Variants in TTC7B observed in about 807,000 individuals in gnomAD.
TTC7B encodes tetratricopeptide repeat protein 7B.
In TTC7B, 28 loss-of-function variants were observed where a neutral mutation model predicts 106.8. The observed-to-expected ratio is 0.26, with a 90% CI of 0.19 to 0.36. The LOEUF is 0.36. Ranked by LOEUF, TTC7B falls within the 10% of genes least tolerant of loss-of-function variation. TTC7B has a pLI of 1.00. For missense variants in TTC7B, 862 were observed against 1,076.4 expected, an observed-to-expected ratio of 0.80 and a Z score of 2.79; for synonymous variants, 405 against 430.6, an observed-to-expected ratio of 0.94 and a Z score of 0.74.
At chr14:90,667,555 C>G (rs1344015462) in intron 9 of TTC7B, among the ~76,000 whole-genome samples, 3 of 152,174 alleles carry the variant, frequency 2.0e-5, no homozygotes, top group African/African-American at 7.2e-5. Flanking sequence ...ATGCATGGAT[C>G]TATATTACAA....
chr14:90,768,427 A>C (rs1325353196), intron 3 of TTC7B, among the ~76,000 whole-genome samples: 1 of 152,006 alleles, frequency 6.6e-6, no homozygotes, highest in Non-Finnish European at 1.5e-5. Flanking sequence ...ATGATAACTC[A>C]CTCACTTTCA....
rs1886302733 is a variant in TTC7B at position 90,663,821 on chromosome 14, A to T, written c.1153-5434T>A. Among the ~76,000 whole-genome samples the T allele has an allele frequency of 6.6e-6, 1 of 152,186 alleles. No individual in the cohort carries two copies. The highest frequency in any genetic ancestry group is 6.5e-5 in the Admixed American group (1 of 15,274). On this transcript the variant is annotated intron_variant, in intron 9 of 19. Transcript: ENST00000328459. The surrounding 1 kb of genome is among the most constrained non-coding windows in gnomAD (Gnocchi z 4.5). ...TGTGTGAGCTCTGGCATCACAGCCGATGGCGCTGCCTGCCAGTGGGCTCTT... is the reference window on the plus strand; with the variant it reads ...TGTGTGAGCTCTGGCATCACAGCCGTTGGCGCTGCCTGCCAGTGGGCTCTT...
chr14:90,777,329 G>A (rs747283766), intron 3 of TTC7B, among the ~76,000 whole-genome samples: 1 of 152,148 alleles, frequency 6.6e-6, no homozygotes, highest in Non-Finnish European at 1.5e-5. Context: ...GTACACCGTG[G>A]CCACTGCTAC....
intron 6 of TTC7B, among the ~76,000 whole-genome samples, chr14:90,694,830 A>T (rs1466483002): frequency 2.2e-5 from 3 of 139,360 alleles, no homozygotes; most frequent in East Asian, 4.1e-4. Context: ...ATATACATAT[A>T]TATGTCACAC....
chr14:90,631,043 C>T (rs1884681153), intron 15 of TTC7B, among the ~76,000 whole-genome samples: 1 of 152,148 alleles, frequency 6.6e-6, no homozygotes, highest in Admixed American at 6.5e-5. Flanking sequence ...ACTGTGTTAG[C>T]TAGGATGGTC....
chr14:90,744,132 G>C (rs779621886), intron 4 of TTC7B, among the ~76,000 whole-genome samples: 19 of 152,338 alleles, frequency 1.2e-4, no homozygotes, highest in Admixed American at 9.8e-4. Flanking sequence ...AGCCCCAGAT[G>C]AACAGGTCTT....
intron 17 of TTC7B, among the ~76,000 whole-genome samples, chr14:90,597,859 T>C (rs1855685560): frequency 6.6e-6 from 1 of 152,150 alleles, no homozygotes; most frequent in African/African-American, 2.4e-5. Context: ...GCATCGTACA[T>C]CAGAATGAGA....
chr14:90,693,757 T>C (rs1017982192), intron 6 of TTC7B, among the ~76,000 whole-genome samples: 8 of 152,282 alleles, frequency 5.3e-5, no homozygotes, highest in African/African-American at 1.9e-4. Flanking sequence ...TAACTGCTGG[T>C]GGGAATGTAA....
At position 90,559,227 on chromosome 14, in the gene TTC7B, A is replaced by C. The variant is rs557688988; in HGVS notation, c.2311-17638T>G. 5.1e-3 allele frequency among the ~76,000 whole-genome samples: 770 copies of C among 152,374 alleles called. 3 individuals are homozygous for C. Among genetic ancestry groups the C allele is most frequent in the Non-Finnish European group, 8.6e-3 (582 of 68,030 alleles). On this transcript the variant is annotated intron_variant, in intron 19 of 19. Coordinates refer to ENST00000328459, the MANE Select transcript of TTC7B (RefSeq NM_001010854.2). ...ACAAGGAGCATCTCCAAGTCTCCTC[A>C]GAAGCCAGAAGCCCTTGCAGGGGTT...
intron 9 of TTC7B, among the ~76,000 whole-genome samples, chr14:90,659,293 G>A (rs1329760676): frequency 7.4e-6 from 1 of 135,830 alleles, no homozygotes; most frequent in African/African-American, 2.7e-5. Context: ...AGAAGGGGAG[G>A]TGTTTTTTTT....
chr14:90,539,745 T>G lies in TTC7B; in HGVS notation c.*1623A>C, dbSNP rs1303536265. On this transcript the variant is annotated 3_prime_UTR_variant, in exon 20 of 20. Transcript: ENST00000328459. Reference sequence around the variant, plus strand: ...AGAGACTGCAGATACCTGCTCAGTTTCTCTCTGGTTCCGGATCTTGCTGTC... The same window carrying G: ...AGAGACTGCAGATACCTGCTCAGTTGCTCTCTGGTTCCGGATCTTGCTGTC... 1.3e-5 allele frequency: 2 copies of G among 152,304 alleles called. No individual in the cohort carries two copies. Among genetic ancestry groups the G allele is most frequent in the East Asian group, 3.9e-4 (2 of 5,192 alleles). 9.4% of individuals were successfully genotyped at this position (152,304 alleles called of 1,614,324 possible).
chr14:90,766,497 A>G, intron 3 of TTC7B: 1 of 688,354 alleles, frequency 1.5e-6, no homozygotes, highest in Non-Finnish European at 2.6e-6. Context: ...AATTCTGGAC[A>G]GGAGGCCTAC....
rs35307541 is a variant in TTC7B, at chr14:90,565,399, C to CTTT, written c.2310+12704_2310+12706dup. On this transcript the variant is annotated intron_variant, in intron 19 of 19. Transcript: ENST00000328459. Reference sequence around the variant, plus strand: ...CCTCACTAAGCTTAATCCTTTCTAGCTTTTTTTTTTTTTTTTTTTTTGAGA... The same window carrying CTTT: ...CCTCACTAAGCTTAATCCTTTCTAGCTTTTTTTTTTTTTTTTTTTTTTTTGAGA... Among the ~76,000 whole-genome samples the CTTT allele has an allele frequency of 1.8e-3, 189 of 107,592 alleles. 2 individuals are homozygous for CTTT. Among genetic ancestry groups the CTTT allele is most frequent in the Non-Finnish European group, 2.6e-3 (139 of 53,714 alleles). 70.6% of individuals were successfully genotyped at this position (107,592 alleles called of 152,430 possible).
rs1266897765 is a variant in TTC7B at position 90,816,228 on chromosome 14, C to CA, written c.67dup (p.Trp23LeufsTer6). The CA allele has an allele frequency of 7.9e-7, 1 of 1,273,452 alleles. No homozygotes were observed. The highest frequency in any genetic ancestry group is 1.6e-5 in the African/African-American group (1 of 62,768). The allele number at this position is 1,273,452 out of a possible 1,614,324, so 78.9% of individuals were successfully genotyped here. A position where few individuals can be genotyped will look rare whatever the true frequency, so the allele number is the denominator to read the frequency against. On this transcript the variant is annotated frameshift_variant, in exon 1 of 20. Coordinates refer to ENST00000328459, the MANE Select transcript of TTC7B (RefSeq NM_001010854.2). LOFTEE classifies it high-confidence loss of function. ...CTTGACGAGCTCAGGGATCCGCTCC[C>CA]ACTGGCACTCGGAGCGGCAGCGCTC...
chr14:90,796,451 C>T (rs1029033271), intron 1 of TTC7B, among the ~76,000 whole-genome samples: 10 of 152,178 alleles, frequency 6.6e-5, no homozygotes, highest in Non-Finnish European at 1.0e-4. Flanking sequence ...GAGCCAGTCC[C>T]CTGAGCCCTG....
intron 3 of TTC7B, among the ~76,000 whole-genome samples, chr14:90,749,702 G>A (rs757000012): frequency 6.6e-6 from 1 of 152,130 alleles, no homozygotes; most frequent in African/African-American, 2.4e-5. Context: ...ACCGCACCTG[G>A]CCAATAATAA....
chr14:90,547,729 G>A (rs992361795), intron 19 of TTC7B, among the ~76,000 whole-genome samples: 42 of 152,166 alleles, frequency 2.8e-4, no homozygotes, highest in African/African-American at 8.9e-4. Flanking sequence ...CCTGGGAGGC[G>A]GAGGTTGCAG....
chr14:90,727,590 C>T (rs1455362964), intron 5 of TTC7B, among the ~76,000 whole-genome samples: 1 of 152,192 alleles, frequency 6.6e-6, no homozygotes, highest in Admixed American at 6.5e-5. Flanking sequence ...TGCCCAAGTC[C>T]ACCAGTTCCG....
chr14:90,649,840 C>T (rs1306772144), intron 13 of TTC7B, among the ~76,000 whole-genome samples: 10 of 152,150 alleles, frequency 6.6e-5, no homozygotes, highest in African/African-American at 2.4e-4. Context: ...AATGTGATGC[C>T]AGGCCCTATG....
Sources: allele counts gnomAD v4.1 joint callset (sites outside exome capture counted in the v4.1 genomes callset), GRCh38; gene constraint gnomAD v4.1.1; non-coding constraint Gnocchi (gnomAD v3.1); transcripts MANE v1.5; gene names NCBI Gene and HGNC (gene_info 2026-07-23, HGNC 2026-07-21).